The following WBP11 variants were observed in gnomAD, a reference collection of about 807,000 sequenced individuals.
WBP11 encodes the protein WW domain-binding protein 11.
A neutral mutation model predicts 66.7 loss-of-function variants in WBP11; 12 were observed. The observed-to-expected ratio is 0.18, with a 90% confidence interval of 0.12 to 0.29. WBP11 has a LOEUF of 0.29. WBP11 is among the 10% of genes least tolerant of loss of function. The probability of loss-of-function intolerance (pLI) is 1.00; values close to 1 mark genes in which losing one functional copy is unlikely to be tolerated. For missense variants in WBP11, 555 were observed against 818.3 expected (o/e 0.68, Z 3.93); for synonymous variants, 255 against 273.8 (o/e 0.93, Z 0.68).
chr12:14,793,681 CTTG>C lies in WBP11; in HGVS notation c.913+47_913+49del, dbSNP rs1565673066. ...TTCATTAATAAATTAGGACCTTCAG[CTTG>C]TTTTCTCTTTATTGATCAATACCAT... On this transcript the variant is annotated intron_variant, in intron 8 of 11. Transcript: ENST00000261167. 7 of 1,566,436 alleles carry C rather than the reference CTTG, an allele frequency of 4.5e-6. No homozygotes were observed. In the South Asian group the frequency reaches 6.1e-5, roughly 14 times the overall value.
chr12:14,795,235 GA>G, intron 5 of WBP11, 131 bp from the exon 6 acceptor site: 1 of 1,004,830 alleles, frequency 1.0e-6, no homozygotes, highest in South Asian at 2.0e-5. Flanking sequence ...AAAACCCCCA[GA>G]AAAATAACCT....
In WBP11 at chr12:14,794,571, C is replaced by T; in HGVS notation, c.687G>A (p.Arg229=). 1 of 1,614,042 alleles carries T rather than the reference C, an allele frequency of 6.2e-7. No individual in the cohort carries two copies. The highest frequency in any genetic ancestry group is 8.5e-7 in the Non-Finnish European group (1 of 1,180,012). ...GACTATATAACATGTCTTCATCTCGCCTACGAGGGGGAAGATCTAGGGCAA... is the reference window on the plus strand; with the variant it reads ...GACTATATAACATGTCTTCATCTCGTCTACGAGGGGGAAGATCTAGGGCAA... The part of the protein sequence containing the change: ...VGFALDLPPR[R]RDEDMLYSPE... The change falls in exon 7 of 12, where the codon AGG becomes AGA. Residue 229 remains arginine, a synonymous_variant. Transcript: ENST00000261167.
chr12:14,803,108 A>T (rs995864767), intron 1 of WBP11, among the ~76,000 whole-genome samples: 6 of 152,210 alleles, frequency 3.9e-5, no homozygotes, highest in Non-Finnish European at 8.8e-5. Flanking sequence ...CAAGACGTCA[A>T]ACCTAAGGCT....
At chr12:14,795,224 A>G (rs1565673728) in intron 5 of WBP11, 120 bp from the exon 6 acceptor site, 1 of 1,074,178 alleles carries the variant, frequency 9.3e-7, no homozygotes, top group Non-Finnish European at 1.3e-6. Flanking sequence ...AAATATCACC[A>G]AAAACCCCCA....
Position 14,794,717 on chromosome 12 carries a change from A to T in WBP11, c.541T>A (p.Ser181Thr). ...SAYGPPTRAV[S>T]ILPLLGHGVP... Reference sequence around the variant, plus strand: ...CCATGTCCAAGAAGAGGAAGGATAGAAACTGCCCGAGTTGGAGGTCTGTTA... The same window carrying T: ...CCATGTCCAAGAAGAGGAAGGATAGTAACTGCCCGAGTTGGAGGTCTGTTA... Residue 181 changes from serine (S) to threonine (T), a missense_variant, in exon 7 of 12, where the codon TCT becomes ACT. By Grantham distance (58) the Ser-to-Thr change is moderately conservative. Transcript: ENST00000261167. 1 of 1,567,660 alleles carries T rather than the reference A, an allele frequency of 6.4e-7. No individual in the cohort carries two copies. The highest frequency in any genetic ancestry group is 1.4e-5 in the African/African-American group (1 of 71,868).
At position 14,787,318 on chromosome 12, in the gene WBP11, G is replaced by A; in HGVS notation, c.1673C>T (p.Ala558Val). Residue 558 changes from alanine (A) to valine (V), a missense_variant, in exon 12 of 12, where the codon GCC (alanine) becomes GTC (valine). Ala to Val is a moderately conservative substitution (Grantham distance 64, BLOSUM62 0). Transcript: ENST00000261167. ...TGGCTTGGCACTGATGGTTGCTGTGGCTTTCTTCTCAATGGTGGCTGCACT... is the reference window on the plus strand; with the variant it reads ...TGGCTTGGCACTGATGGTTGCTGTGACTTTCTTCTCAATGGTGGCTGCACT... ...DTSAATIEKK[A>V]TATISAKPQI... 1 of 1,614,078 alleles carries A rather than the reference G, an allele frequency of 6.2e-7. No individual in the cohort carries two copies. Among genetic ancestry groups the A allele is most frequent in the Non-Finnish European group, 8.5e-7 (1 of 1,179,992 alleles).
At chr12:14,803,140 G>A (rs987693539) in intron 1 of WBP11, among the ~76,000 whole-genome samples, 9 of 152,294 alleles carry the variant, frequency 5.9e-5, no homozygotes, top group Admixed American at 5.2e-4. Flanking sequence ...TGCGTAAGAA[G>A]CGGCCCCAAC....
chr12:14,790,392 T>C, intron 10 of WBP11, 64 bp downstream of exon 10: 1 of 1,547,922 alleles, frequency 6.5e-7, no homozygotes, highest in South Asian at 1.2e-5. Context: ...CAACACATAG[T>C]ATTTTTTGGA....
chr12:14,795,627 G>A (rs1336654438), intron 5 of WBP11, among the ~76,000 whole-genome samples: 1 of 152,176 alleles, frequency 6.6e-6, no homozygotes, highest in Admixed American at 6.5e-5. Context: ...CTACTCAGGA[G>A]GCTGAGGGAG....
At position 14,796,666 on chromosome 12, in the gene WBP11, T is replaced by A. The variant is rs1197445684; in HGVS notation, c.387+141A>T. ...GTTCCATCCCCAAAATATATGCAAA[T>A]ATACACAAAAACAAAACAAAATATA... On this transcript the variant is annotated intron_variant, in intron 5 of 11. Transcript: ENST00000261167. This position sits in a 1 kb window ranked among gnomAD's most constrained non-coding sequence, Gnocchi z 4.5. 1.3e-6 allele frequency: 1 copy of A among 741,560 alleles called. No homozygotes were observed. Among genetic ancestry groups the A allele is most frequent in the Non-Finnish European group, 2.0e-6 (1 of 498,412 alleles). 45.9% of individuals were successfully genotyped at this position (741,560 alleles called of 1,614,324 possible). A position where few individuals can be genotyped will look rare whatever the true frequency, so the allele number is the denominator to read the frequency against.
Position 14,786,699 on chromosome 12 carries a change from T to C in WBP11, c.*366A>G. On this transcript the variant is annotated 3_prime_UTR_variant, in exon 12 of 12. Transcript: ENST00000261167. ...CAAAAGGCAAGATGAAATAAACTGT[T>C]TTTTTTTCTCCAGAAATCTCTACTC... 6.0e-6 allele frequency: 1 copy of C among 166,932 alleles called. No homozygotes were observed. The allele number at this position is 166,932 out of a possible 1,614,324, so 10.3% of individuals were successfully genotyped here. A position where few individuals can be genotyped will look rare whatever the true frequency, so the allele number is the denominator to read the frequency against.
rs1168762218 is a variant in WBP11, at chr12:14,785,142, G to GT, written c.*1922dup. The stretch of plus-strand genomic sequence containing the variant: ...ATAAATTAGCTGGTTGTGGTGGCAC[G>GT]TATCTGAAGTTCCAACTACTTGGGA... On this transcript the variant is annotated 3_prime_UTR_variant, in exon 12 of 12. Transcript: ENST00000261167. 6.6e-6 allele frequency: 1 copy of GT among 152,184 alleles called. No homozygotes were observed. Among genetic ancestry groups the GT allele is most frequent in the African/African-American group, 2.4e-5 (1 of 41,416 alleles). 9.4% of individuals were successfully genotyped at this position (152,184 alleles called of 1,614,324 possible).
chr12:14,802,348 G>C (rs1225603089), intron 1 of WBP11, among the ~76,000 whole-genome samples: 2 of 152,136 alleles, frequency 1.3e-5, no homozygotes, highest in African/African-American at 2.4e-5. Flanking sequence ...AGGTAAGAAA[G>C]GGAAGATTTT....
At chr12:14,801,494 C>T (rs1393906754) in intron 1 of WBP11, 66 bp from the exon 2 acceptor site, 1 of 1,020,322 alleles carries the variant, frequency 9.8e-7, no homozygotes, top group African/African-American at 1.6e-5. Context: ...TTTCTAGTCC[C>T]TACCAATCTC....
chr12:14,790,659 T>G lies in WBP11; in HGVS notation c.1106A>C (p.Gln369Pro). ...DDSDDSEAEK[Q>P]SQKQHKEESH... ...TTCCTCTTTATGCTGCTTTTGTGAT[T>G]GCTTTTCTGCTTCAGAGTCATCAGA... The change falls in exon 10 of 12, where the codon CAA (glutamine) becomes CCA (proline). Residue 369 changes from glutamine (Q) to proline (P), a missense_variant. Physicochemically the swap from Gln to Pro is moderately conservative, Grantham distance 76. Transcript: ENST00000261167. The G allele has an allele frequency of 3.1e-6, 5 of 1,614,200 alleles. No individual in the cohort carries two copies. Among genetic ancestry groups the G allele is most frequent in the Non-Finnish European group, 3.4e-6 (4 of 1,180,012 alleles).
rs199518864 is a variant in WBP11 at position 14,789,091 on chromosome 12, C to T, written c.1352G>A (p.Arg451Gln). 5.2e-6 allele frequency: 8 copies of T among 1,524,526 alleles called. No individual in the cohort carries two copies. The highest frequency in any genetic ancestry group is 1.5e-5 in the African/African-American group (1 of 68,536). The allele number at this position is 1,524,526 out of a possible 1,614,324, so 94.4% of individuals were successfully genotyped here. A position where few individuals can be genotyped will look rare whatever the true frequency, so the allele number is the denominator to read the frequency against. ...AGGTAAAAGTCGGGGTAAGGGCCCT[C>T]GGAGTCCTGGCATTCCAGGTGGTCT... ...FLRPPGMPGLRGPLPRLLPPG... is the reference protein window; with the variant it reads ...FLRPPGMPGLQGPLPRLLPPG... Residue 451 changes from arginine to glutamine, a missense_variant, in exon 11 of 12, where the codon CGA becomes CAA. This residue lies in a region of WBP11 where 230 missense variants were observed against 286.3 expected (regional missense o/e 0.80). Coordinates refer to ENST00000261167, the MANE Select transcript of WBP11 (RefSeq NM_016312.3).
At chr12:14,800,670 T>C in intron 3 of WBP11, 82 bp downstream of exon 3, 2 of 1,264,278 alleles carry the variant, frequency 1.6e-6, no homozygotes, top group Non-Finnish European at 2.3e-6. Flanking sequence ...ATTAGAAATG[T>C]TATTCTGAAA....
chr12:14,793,817 G>C lies in WBP11; in HGVS notation c.827C>G (p.Thr276Ser). 1 of 1,613,824 alleles carries C rather than the reference G, an allele frequency of 6.2e-7. No homozygotes were observed. Among genetic ancestry groups the C allele is most frequent in the Non-Finnish European group, 8.5e-7 (1 of 1,179,926 alleles). Residue 276 changes from threonine (T) to serine (S), a missense_variant, in exon 8 of 12, where the codon ACC becomes AGC. Around this residue, in one of 6 missense-constraint regions of WBP11, gnomAD observed 220 missense variants for 268.2 expected, o/e 0.82. Transcript: ENST00000261167. ...KHDDSTDDSD[T>S]DKSDGESDGD... is the part of the protein sequence containing the mutation. ...GTCACTTTCTCCATCTGATTTGTCG[G>C]TGTCACTGTCATCAGTACTGTCATC...
At chr12:14,802,950 G>A (rs535273543) in intron 1 of WBP11, among the ~76,000 whole-genome samples, 1 of 152,264 alleles carries the variant, frequency 6.6e-6, no homozygotes, top group Non-Finnish European at 1.5e-5. Context: ...TACAAGCGGA[G>A]GCGACTGGAA....
Sources: allele counts gnomAD v4.1 joint callset (sites outside exome capture counted in the v4.1 genomes callset), GRCh38; gene constraint gnomAD v4.1.1; regional missense constraint gnomAD v4.1.1; non-coding constraint Gnocchi (gnomAD v3.1); transcripts MANE v1.5; gene names NCBI Gene and HGNC (gene_info 2026-07-23, HGNC 2026-07-21).